Variants in TMEM135 observed in about 807,000 individuals in gnomAD.
TMEM135 encodes transmembrane protein 135, also known as peroxisomal membrane protein 52.
TMEM135 carries 30 observed loss-of-function variants against 60.3 expected under a neutral mutation model. The observed-to-expected ratio is 0.50, with a 90% CI of 0.37 to 0.68. The LOEUF is 0.68. TMEM135 is among the 30% of genes least tolerant of loss of function. The pLI is 0.00. For synonymous variants in TMEM135, 190 were observed against 186.7 expected (o/e 1.02, Z -0.14); for missense variants, 468 against 548.8 (o/e 0.85, Z 1.47).
At chr11:87,247,347 C>A (rs1941305662) in intron 6 of TMEM135, among the ~76,000 whole-genome samples, 3 of 152,208 alleles carry the variant, frequency 2.0e-5, no homozygotes, top group Admixed American at 2.0e-4. Context: ...TCTCAGATCT[C>A]CAGCTGTGTG....
At position 87,295,824 on chromosome 11, in the gene TMEM135, G is replaced by A; in HGVS notation, c.551+1G>A. On this transcript the variant is annotated splice_donor_variant, in intron 7 of 14. Transcript: ENST00000305494. LOFTEE classifies it high-confidence loss of function. ...AAGGATTTACATTTTCTGCACTTAG[G>A]TAAGAAACATTTATTTTTATGTTGA... The A allele has an allele frequency of 6.2e-7, 1 of 1,604,958 alleles. No homozygotes were observed. The highest frequency in any genetic ancestry group is 8.5e-7 in the Non-Finnish European group (1 of 1,173,870).
chr11:87,274,209 T>TA (rs1941925699), intron 6 of TMEM135, among the ~76,000 whole-genome samples: 1 of 152,128 alleles, frequency 6.6e-6, no homozygotes, highest in Admixed American at 6.6e-5. Flanking sequence ...TAATTCTAAA[T>TA]AAATGAAATA....
At chr11:87,077,083 A>G (rs1856888981) in intron 3 of TMEM135, among the ~76,000 whole-genome samples, 1 of 152,218 alleles carries the variant, frequency 6.6e-6, no homozygotes. Flanking sequence ...TCAATGTCCA[A>G]AACTGTTTCA....
chr11:87,071,145 G>A (rs1290364391), intron 2 of TMEM135, among the ~76,000 whole-genome samples: 1 of 152,156 alleles, frequency 6.6e-6, no homozygotes, highest in South Asian at 2.1e-4. Flanking sequence ...TACTGTAGCC[G>A]CCTTAATGAG....
intron 5 of TMEM135, among the ~76,000 whole-genome samples, chr11:87,190,147 G>C (rs1037790944): frequency 2.0e-5 from 3 of 152,110 alleles, no homozygotes; most frequent in African/African-American, 7.2e-5. Flanking sequence ...GGTTCTACTT[G>C]TCAAATTCTT....
At chr11:87,263,157 G>C (rs1306887439) in intron 6 of TMEM135, among the ~76,000 whole-genome samples, 1 of 152,106 alleles carries the variant, frequency 6.6e-6, no homozygotes, top group East Asian at 1.9e-4. Context: ...AGGTGTATGT[G>C]GTCCTATTTG....
chr11:87,297,984 G>A (rs570500237), intron 7 of TMEM135, among the ~76,000 whole-genome samples: 4 of 152,242 alleles, frequency 2.6e-5, no homozygotes, highest in Non-Finnish European at 5.9e-5. Context: ...GTTACTAAAA[G>A]CCAAATATAT....
chr11:87,084,518 A>G (rs1258875170), intron 3 of TMEM135, among the ~76,000 whole-genome samples: 2 of 152,042 alleles, frequency 1.3e-5, no homozygotes, highest in Non-Finnish European at 2.9e-5. Context: ...GGCTATCTCA[A>G]ACTCATGGGC....
chr11:87,134,777 C>T (rs1457119621), intron 4 of TMEM135, among the ~76,000 whole-genome samples: 1 of 152,188 alleles, frequency 6.6e-6, no homozygotes, highest in East Asian at 1.9e-4. Context: ...TGTGCAACTG[C>T]ACCCAGCTGT....
rs1322649999 is a variant in TMEM135 at position 87,055,952 on chromosome 11, A to G, written c.142-11742A>G. Among the ~76,000 whole-genome samples, 2 of 152,140 alleles carry G rather than the reference A, an allele frequency of 1.3e-5. 1 individual carries two copies. On this transcript the variant is annotated intron_variant, in intron 1 of 14. Transcript: ENST00000305494. ...GCAAAGCAAAAGCAAGTTTATTAAG[A>G]AAGTAAAGTGGTGAAAGGACAGTTA... is the stretch of plus-strand genomic sequence containing the variant.
At position 87,323,311 on chromosome 11, in the gene TMEM135, A is replaced by G. The variant is rs1366625161; in HGVS notation, c.*1978A>G. 2 of 454,034 alleles carry G rather than the reference A, an allele frequency of 4.4e-6. No homozygotes were observed. Among genetic ancestry groups the G allele is most frequent in the Non-Finnish European group, 8.8e-6 (2 of 226,740 alleles). 28.1% of individuals were successfully genotyped at this position (454,034 alleles called of 1,614,324 possible). Reference sequence around the variant, plus strand: ...TGAAGCAGAATACAATGATGAATGTATAGGTTGAGTGAATAACCAATTTGC... The same window carrying G: ...TGAAGCAGAATACAATGATGAATGTGTAGGTTGAGTGAATAACCAATTTGC... On this transcript the variant is annotated 3_prime_UTR_variant, in exon 15 of 15. Coordinates refer to ENST00000305494, the MANE Select transcript of TMEM135 (RefSeq NM_022918.4).
chr11:87,199,967 A>G (rs573838237), intron 5 of TMEM135, among the ~76,000 whole-genome samples: 4 of 152,298 alleles, frequency 2.6e-5, no homozygotes, highest in East Asian at 3.9e-4. Context: ...TTGTAAAGCC[A>G]TTAGAGAAAT....
At chr11:87,301,336 C>G (rs956582169) in intron 7 of TMEM135, among the ~76,000 whole-genome samples, 1 of 152,056 alleles carries the variant, frequency 6.6e-6, no homozygotes, top group Non-Finnish European at 1.5e-5. Flanking sequence ...CCACTGTAGC[C>G]TTTAATTCCT....
intron 5 of TMEM135, among the ~76,000 whole-genome samples, chr11:87,171,565 T>G (rs1039204698): frequency 1.3e-5 from 2 of 152,198 alleles, no homozygotes; most frequent in African/African-American, 4.8e-5. Flanking sequence ...CTCGTCTGCA[T>G]GTCAGTAGAC....
Position 87,326,196 on chromosome 11 carries a change from T to G in TMEM135, c.*4863T>G. On this transcript the variant is annotated 3_prime_UTR_variant, in exon 15 of 15. Transcript: ENST00000305494. ...TCTTGTCAGACCGTGGATAATAGGA[T>G]GTTCCCTGGTCTTGGCATAGAGGCC... is the stretch of plus-strand genomic sequence containing the variant. The G allele has an allele frequency of 2.2e-6, 1 of 453,922 alleles. No individual in the cohort carries two copies. The highest frequency in any genetic ancestry group is 1.6e-5 in the South Asian group (1 of 64,470). 28.1% of individuals were successfully genotyped at this position (453,922 alleles called of 1,614,324 possible). A position where few individuals can be genotyped will look rare whatever the true frequency, so the allele number is the denominator to read the frequency against.
At chr11:87,196,063 T>G (rs1939949927) in intron 5 of TMEM135, among the ~76,000 whole-genome samples, 1 of 152,080 alleles carries the variant, frequency 6.6e-6, no homozygotes, top group Non-Finnish European at 1.5e-5. Flanking sequence ...TATAAACTTG[T>G]ATGGAATGAT....
intron 4 of TMEM135, among the ~76,000 whole-genome samples, chr11:87,142,822 C>CTCT (rs55697853): frequency 0.47 from 71,225 of 149,970 alleles, 17,138 homozygotes; most frequent in East Asian, 0.67. Flanking sequence ...CTCCTTTTTT[C>CTCT]TCTTCCTTCT....
At chr11:87,214,399 C>A (rs989143613) in intron 5 of TMEM135, among the ~76,000 whole-genome samples, 2 of 152,078 alleles carry the variant, frequency 1.3e-5, no homozygotes, top group Non-Finnish European at 2.9e-5. Flanking sequence ...TTCTGGTGAA[C>A]AAGAGAAGTG....
chr11:87,291,791 C>A (rs1170240084), intron 6 of TMEM135, among the ~76,000 whole-genome samples: 1 of 152,060 alleles, frequency 6.6e-6, no homozygotes, highest in Non-Finnish European at 1.5e-5. Flanking sequence ...GATCCACCAA[C>A]CTCAGCCTCC....
Sources: gnomAD v4.1 joint callset for allele counts (sites outside exome capture counted in the v4.1 genomes callset) on GRCh38, gnomAD v4.1.1 for gene constraint, MANE v1.5 for transcripts, NCBI Gene and HGNC (gene_info 2026-07-23, HGNC 2026-07-21) for gene names.